The following OPCML variants were observed in gnomAD, a reference collection of about 807,000 sequenced individuals.
OPCML encodes the protein opioid binding protein/cell adhesion molecule like.
OPCML carries 13 observed loss-of-function variants against 37.8 expected under a neutral mutation model. The observed-to-expected ratio is 0.34, with a 90% CI of 0.22 to 0.55. The LOEUF (loss-of-function observed/expected upper bound fraction) is 0.55, where lower values mean the gene tolerates loss of function less well. Ranked by LOEUF, OPCML falls within the 20% of genes least tolerant of loss-of-function variation. The pLI, the probability that OPCML is intolerant of heterozygous loss-of-function variation, is 0.91. For synonymous variants in OPCML, 176 were observed against 168.8 expected (o/e 1.04, Z -0.33); for missense variants, 341 against 435.6 (o/e 0.78, Z 1.93).
chr11:133,294,488 T>C (rs974087087), intron 1 of OPCML, among the ~76,000 whole-genome samples: 2 of 152,250 alleles, frequency 1.3e-5, no homozygotes, highest in African/African-American at 4.8e-5. Context: ...GTCTCTTCAT[T>C]TGTTGAACAA....
At chr11:132,769,051 G>A (rs566023768) in intron 2 of OPCML, among the ~76,000 whole-genome samples, 2 of 151,604 alleles carry the variant, frequency 1.3e-5, no homozygotes, top group Non-Finnish European at 2.9e-5. Flanking sequence ...CTCTGTAAGT[G>A]CTCTGTGAGG....
chr11:133,334,799 C>T (rs905943235), intron 1 of OPCML, among the ~76,000 whole-genome samples: 2 of 152,172 alleles, frequency 1.3e-5, no homozygotes, highest in Non-Finnish European at 2.9e-5. Context: ...TGAGGATTAA[C>T]TTGCAATCTT....
intron 2 of OPCML, among the ~76,000 whole-genome samples, chr11:132,679,990 A>G (rs1337136608): frequency 6.6e-6 from 1 of 152,104 alleles, no homozygotes; most frequent in Non-Finnish European, 1.5e-5. Flanking sequence ...AGAAGGTTTT[A>G]TCTCAATTTA....
chr11:132,844,082 GCT>G (rs1274594478), intron 2 of OPCML, among the ~76,000 whole-genome samples: 1 of 152,180 alleles, frequency 6.6e-6, no homozygotes, highest in East Asian at 1.9e-4. Flanking sequence ...TCCTGCACAA[GCT>G]CTCTTTTTGC....
intron 3 of OPCML, among the ~76,000 whole-genome samples, chr11:132,586,994 A>G (rs1018023721): frequency 2.0e-5 from 3 of 152,196 alleles, no homozygotes; most frequent in Non-Finnish European, 4.4e-5. Flanking sequence ...GCATACTAAT[A>G]TGATTTGTTT....
At chr11:133,024,735 C>A in intron 1 of OPCML, 1 of 945,568 alleles carries the variant, frequency 1.1e-6, no homozygotes, top group Non-Finnish European at 1.3e-6. Flanking sequence ...CCAGCCCTCG[C>A]GCTTTTGAAT....
intron 2 of OPCML, among the ~76,000 whole-genome samples, chr11:132,880,526 A>G (rs2136426974): frequency 6.6e-6 from 1 of 152,374 alleles, no homozygotes. Flanking sequence ...GATGCTGAAA[A>G]CAAAACTGGG....
chr11:133,079,605 G>A (rs978437879), intron 1 of OPCML, among the ~76,000 whole-genome samples: 1 of 152,170 alleles, frequency 6.6e-6, no homozygotes, highest in Non-Finnish European at 1.5e-5. Context: ...AAAGTGCACA[G>A]CCAGGCGTGG....
At chr11:133,432,690 A>G (rs1002280716) in intron 1 of OPCML, among the ~76,000 whole-genome samples, 2 of 152,140 alleles carry the variant, frequency 1.3e-5, no homozygotes, top group African/African-American at 4.8e-5. Context: ...AGTCTCTTTC[A>G]GTTGTCTTTG....
intron 1 of OPCML, among the ~76,000 whole-genome samples, chr11:133,204,504 T>G (rs1938947723): frequency 6.6e-6 from 1 of 152,054 alleles, no homozygotes; most frequent in South Asian, 2.1e-4. Flanking sequence ...CTTTGTCAGG[T>G]CCCTGTGGCC....
In OPCML at chr11:132,655,705, C is replaced by T. The variant is rs566157250; in HGVS notation, c.379+1382G>A. Among the ~76,000 whole-genome samples the T allele has an allele frequency of 3.0e-3, 464 of 152,282 alleles. 3 individuals are homozygous for T. Among genetic ancestry groups the T allele is most frequent in the South Asian group, 5.0e-3 (24 of 4,828 alleles). ...GACAGCAGACAGCTCTCTGGCCCCA[C>T]ACATGCCATTACAAATGGCTACAGA... On this transcript the variant is annotated intron_variant, in intron 3 of 7. Transcript: ENST00000524381.
intron 2 of OPCML, among the ~76,000 whole-genome samples, chr11:132,878,573 A>G (rs1028814705): frequency 4.6e-5 from 7 of 152,180 alleles, no homozygotes; most frequent in African/African-American, 1.7e-4. Context: ...CTCGGCTTCC[A>G]TAATCATGTC....
intron 2 of OPCML, among the ~76,000 whole-genome samples, chr11:132,922,923 T>C (rs938866449): frequency 2.0e-5 from 3 of 151,380 alleles, no homozygotes; most frequent in Non-Finnish European, 4.4e-5. Context: ...TGTTTTTTGT[T>C]TTTTTTTAAA....
chr11:133,205,691 T>C lies in OPCML; in HGVS notation c.62-262681A>G, dbSNP rs772575861. Among the ~76,000 whole-genome samples the C allele has an allele frequency of 1.2e-4, 18 of 152,188 alleles. No individual in the cohort carries two copies. Among genetic ancestry groups the C allele is most frequent in the Non-Finnish European group, 2.1e-4 (14 of 68,034 alleles). On this transcript the variant is annotated intron_variant, in intron 1 of 7. Coordinates refer to ENST00000524381, the MANE Select transcript of OPCML (RefSeq NM_001012393.5). The surrounding 1 kb of genome is among the most constrained non-coding windows in gnomAD (Gnocchi z 4.8). ...TGTTGCGTTGCGTGAGACAAGAGAG[T>C]AGGAAAAACATTTAGTATTTTTTTT...
At chr11:133,498,520 A>G (rs1370502563) in intron 1 of OPCML, among the ~76,000 whole-genome samples, 2 of 152,168 alleles carry the variant, frequency 1.3e-5, no homozygotes, top group Non-Finnish European at 2.9e-5. Flanking sequence ...CCTTCCTCGC[A>G]CCATCTGGGC....
intron 1 of OPCML, chr11:133,439,413 G>C (rs1484884833): frequency 2.0e-6 from 2 of 984,950 alleles, no homozygotes; most frequent in African/African-American, 3.5e-5. Flanking sequence ...CAGGGAATAG[G>C]AAATGCTTAT....
chr11:132,476,511 TA>T, intron 4 of OPCML, among the ~76,000 whole-genome samples: 1 of 152,044 alleles, frequency 6.6e-6, no homozygotes, highest in Non-Finnish European at 1.5e-5. Flanking sequence ...TATGCGGCCA[TA>T]AAAAAGGATG....
intron 1 of OPCML, chr11:133,418,184 G>A: frequency 1.0e-6 from 1 of 985,414 alleles, no homozygotes; most frequent in Non-Finnish European, 1.2e-6. Context: ...TGTCTGCCAT[G>A]GCAGGGTCTT....
At chr11:132,657,803 T>C (rs946069403) in intron 2 of OPCML, among the ~76,000 whole-genome samples, 1 of 152,206 alleles carries the variant, frequency 6.6e-6, no homozygotes, top group Non-Finnish European at 1.5e-5. Flanking sequence ...AATCTCCTTA[T>C]ACCCCTAAGC....
Sources: gnomAD v4.1 joint callset for allele counts (sites outside exome capture counted in the v4.1 genomes callset) on GRCh38, gnomAD v4.1.1 for gene constraint, Gnocchi (gnomAD v3.1) non-coding constraint, MANE v1.5 for transcripts, NCBI Gene and HGNC (gene_info 2026-07-23, HGNC 2026-07-21) for gene names.